The following SLC14A2 variants were observed in gnomAD, a reference collection of about 807,000 sequenced individuals.
SLC14A2 encodes the protein urea transporter 2.
A neutral mutation model predicts 104.6 loss-of-function variants in SLC14A2; 91 were observed. The observed-to-expected ratio is 0.87, with a 90% CI of 0.73 to 1.04. The LOEUF (loss-of-function observed/expected upper bound fraction) is 1.04, where lower values mean the gene tolerates loss of function less well. SLC14A2 is among the 50% of genes least tolerant of loss of function. The pLI is 0.00. For missense variants in SLC14A2, 1,189 were observed against 1,156.0 expected (o/e 1.03, Z -0.41); for synonymous variants, 476 against 466.4 (o/e 1.02, Z -0.27).
At chr18:45,465,188 G>A (rs4890544) in intron 1 of SLC14A2, among the ~76,000 whole-genome samples, 45,604 of 152,078 alleles carry the variant, frequency 0.3, 7,180 homozygotes, top group Admixed American at 0.44. Flanking sequence ...GAAACGGAGA[G>A]AAGAAAACAC....
chr18:45,182,696 C>CA, the SLC14A2 span, among the ~76,000 whole-genome samples: 6 of 151,614 alleles, frequency 4.0e-5, no homozygotes, highest in African/African-American at 1.5e-4. Flanking sequence ...AAAGCAACAA[C>CA]AAAAAATATA....
chr18:45,392,838 A>G (rs1209952717), intron 1 of SLC14A2, among the ~76,000 whole-genome samples: 1 of 152,230 alleles, frequency 6.6e-6, no homozygotes, highest in Admixed American at 6.5e-5. Flanking sequence ...GTAAATGAAG[A>G]TAAAGCATGA....
chr18:45,542,520 C>T (rs548748529), intron 2 of SLC14A2: 3 of 152,144 alleles, frequency 2.0e-5, no homozygotes, highest in African/African-American at 4.8e-5. Context: ...AGTGGATAAA[C>T]AATGATAGCA....
intron 1 of SLC14A2, among the ~76,000 whole-genome samples, chr18:45,438,008 A>G (rs2086624664): frequency 6.6e-6 from 1 of 152,146 alleles, no homozygotes; most frequent in South Asian, 2.1e-4. Context: ...ACATCCAACA[A>G]AACATTTATT....
intron 1 of SLC14A2, among the ~76,000 whole-genome samples, chr18:45,409,131 C>T (rs1213046497): frequency 1.3e-5 from 2 of 152,164 alleles, no homozygotes. Flanking sequence ...ACTGACAAGT[C>T]CTGCTTTCTA....
chr18:45,236,623 G>A (rs923408819), intron 1 of SLC14A2, among the ~76,000 whole-genome samples: 2 of 150,196 alleles, frequency 1.3e-5, no homozygotes, highest in Non-Finnish European at 3.0e-5. Context: ...GTGTATATAT[G>A]TGTGGGTGTA....
intron 1 of SLC14A2, among the ~76,000 whole-genome samples, chr18:45,248,336 G>T (rs569283497): frequency 1.4e-4 from 21 of 152,166 alleles, no homozygotes; most frequent in Admixed American, 5.2e-4. Context: ...TATTTCTTCT[G>T]TTCTTGAGAC....
At chr18:45,513,981 A>T (rs1022657850) in intron 2 of SLC14A2, among the ~76,000 whole-genome samples, 1 of 152,200 alleles carries the variant, frequency 6.6e-6, no homozygotes, top group African/African-American at 2.4e-5. Context: ...TCAGGTAGAG[A>T]TCCTACCCTT....
chr18:45,629,344 T>C (rs755516773), intron 4 of SLC14A2, among the ~76,000 whole-genome samples: 3 of 152,128 alleles, frequency 2.0e-5, no homozygotes, highest in Non-Finnish European at 4.4e-5. Context: ...GCAGATCTGG[T>C]GGGTGAGATT....
At chr18:45,505,339 A>G (rs1484161755) in intron 2 of SLC14A2, among the ~76,000 whole-genome samples, 1 of 152,092 alleles carries the variant, frequency 6.6e-6, no homozygotes, top group Non-Finnish European at 1.5e-5. Context: ...TTTTTCCACC[A>G]AGACTGCCTG....
chr18:45,337,294 T>C (rs2085347000), intron 1 of SLC14A2, among the ~76,000 whole-genome samples: 1 of 152,192 alleles, frequency 6.6e-6, no homozygotes, highest in South Asian at 2.1e-4. Flanking sequence ...TATTTAGTTA[T>C]GGTTTGTAGA....
At chr18:45,328,952 C>T (rs2085263254) in intron 1 of SLC14A2, among the ~76,000 whole-genome samples, 1 of 152,134 alleles carries the variant, frequency 6.6e-6, no homozygotes, top group African/African-American at 2.4e-5. Context: ...ATTCAGATTC[C>T]AAAAGTAGAG....
intron 1 of SLC14A2, among the ~76,000 whole-genome samples, chr18:45,458,658 A>G (rs2086987585): frequency 6.6e-6 from 1 of 152,192 alleles, no homozygotes; most frequent in Non-Finnish European, 1.5e-5. Context: ...CTTAGAACCT[A>G]TCTAGTCCAG....
chr18:45,262,825 C>T (rs1393830494), intron 1 of SLC14A2, among the ~76,000 whole-genome samples: 3 of 152,150 alleles, frequency 2.0e-5, no homozygotes, highest in Non-Finnish European at 4.4e-5. Context: ...CCAGCATGAG[C>T]CAGAAACAGT....
chr18:45,240,847 A>G (rs1240189288), intron 1 of SLC14A2, among the ~76,000 whole-genome samples: 1 of 151,772 alleles, frequency 6.6e-6, no homozygotes, highest in East Asian at 1.9e-4. Context: ...TTTAGTAGAG[A>G]TGGGGTTTCA....
chr18:45,614,464 TG>T (rs541781180), upstream of SLC14A2, among the ~76,000 whole-genome samples: 161 of 152,278 alleles, frequency 1.1e-3, no homozygotes, highest in African/African-American at 3.5e-3. Context: ...GTAAATCCAC[TG>T]TCAGCTTGCA....
chr18:45,266,079 T>C (rs2084589620), intron 1 of SLC14A2, among the ~76,000 whole-genome samples: 1 of 152,064 alleles, frequency 6.6e-6, no homozygotes, highest in East Asian at 1.9e-4. Flanking sequence ...AGTTGTGGTG[T>C]AAAATGAAGT....
intron 1 of SLC14A2, among the ~76,000 whole-genome samples, chr18:45,249,165 G>A (rs1221287739): frequency 6.6e-6 from 1 of 152,128 alleles, no homozygotes; most frequent in Non-Finnish European, 1.5e-5. Flanking sequence ...CCATTTATAA[G>A]CGTGTTTGCC....
chr18:45,672,794 A>C, intron 16 of SLC14A2, 106 bp from the exon 17 acceptor site: 3 of 966,740 alleles, frequency 3.1e-6, no homozygotes, highest in African/African-American at 1.6e-5. Context: ...CTGGACATCC[A>C]TTGCAAAATG....
Sources: gnomAD v4.1 joint callset for allele counts (sites outside exome capture counted in the v4.1 genomes callset) on GRCh38, gnomAD v4.1.1 for gene constraint, MANE v1.5 for transcripts, NCBI Gene and HGNC (gene_info 2026-07-23, HGNC 2026-07-21) for gene names.